FER1L6: variants seen among roughly 807,000 people sequenced by gnomAD.
FER1L6 encodes fer-1 like family member 6, also known as fer-1-like protein 6.
A neutral mutation model predicts 219.2 loss-of-function variants in FER1L6; 177 were observed. The observed-to-expected ratio is 0.81, with a 90% CI of 0.71 to 0.91. The LOEUF is 0.91. Among genes scored for constraint, FER1L6 ranks in the 40% least tolerant of loss-of-function variants. FER1L6 has a pLI of 0.00. For synonymous variants in FER1L6, 768 were observed against 824.3 expected, an observed-to-expected ratio of 0.93 and a Z score of 1.17; for missense variants, 2,153 against 2,259.9, an observed-to-expected ratio of 0.95 and a Z score of 0.96.
At chr8:124,041,215 C>T (rs1006936598) in intron 20 of FER1L6, among the ~76,000 whole-genome samples, 12 of 152,204 alleles carry the variant, frequency 7.9e-5, no homozygotes, top group African/African-American at 2.7e-4. Context: ...TCCTCTTTGG[C>T]TGCATGTCTT....
chr8:124,088,077 A>G (rs1821857540), intron 33 of FER1L6, among the ~76,000 whole-genome samples: 1 of 152,130 alleles, frequency 6.6e-6, no homozygotes, highest in African/African-American at 2.4e-5. Context: ...CTCAAAGCCC[A>G]GGGGCTCTTC....
At chr8:124,076,744 G>T (rs1821312175) in intron 32 of FER1L6, among the ~76,000 whole-genome samples, 2 of 152,188 alleles carry the variant, frequency 1.3e-5, no homozygotes, top group South Asian at 4.1e-4. Context: ...AGGCAGCCAA[G>T]GTCTAGGGAG....
intron 19 of FER1L6, among the ~76,000 whole-genome samples, chr8:124,038,303 G>T (rs916881250): frequency 2.0e-5 from 3 of 152,198 alleles, no homozygotes; most frequent in African/African-American, 7.2e-5. Context: ...CTTTGAATGT[G>T]CTTTGGTGAA....
intron 1 of FER1L6, among the ~76,000 whole-genome samples, chr8:123,890,329 C>G (rs1275416843): frequency 6.6e-6 from 1 of 151,998 alleles, no homozygotes; most frequent in East Asian, 1.9e-4. Context: ...CTGGGTAACA[C>G]TTTAGCCTCA....
intron 38 of FER1L6, 79 bp downstream of exon 38, chr8:124,101,417 T>C: frequency 7.5e-7 from 1 of 1,328,454 alleles, no homozygotes. Context: ...TCTGATTTAG[T>C]TACAAGACTA....
At chr8:123,880,342 T>C (rs530527230) in intron 1 of FER1L6, among the ~76,000 whole-genome samples, 8 of 152,354 alleles carry the variant, frequency 5.3e-5, no homozygotes, top group African/African-American at 1.7e-4. Context: ...CCACAGGAAC[T>C]GGCTTTATCG....
chr8:124,091,606 G>C, intron 34 of FER1L6, 23 bp downstream of exon 34: 1 of 1,604,680 alleles, frequency 6.2e-7, no homozygotes, highest in Non-Finnish European at 8.5e-7. Context: ...AAAATATCCT[G>C]CTGGTGTTGC....
chr8:123,899,434 T>G (rs1401382737), intron 1 of FER1L6, among the ~76,000 whole-genome samples: 1 of 152,186 alleles, frequency 6.6e-6, no homozygotes, highest in Non-Finnish European at 1.5e-5. Context: ...ATGTATAGAT[T>G]GTGAAGATTT....
chr8:123,983,651 T>C (rs540813653), intron 11 of FER1L6, among the ~76,000 whole-genome samples: 1 of 152,290 alleles, frequency 6.6e-6, no homozygotes, highest in Admixed American at 6.5e-5. Flanking sequence ...TGGTTACTGC[T>C]TGGCCTCTGG....
At chr8:124,084,149 G>A (rs369423643) in intron 33 of FER1L6, among the ~76,000 whole-genome samples, 13 of 150,350 alleles carry the variant, frequency 8.6e-5, no homozygotes, top group African/African-American at 2.9e-4. Context: ...CAGTTCTAAC[G>A]GTTTTCTTGT....
chr8:124,021,708 G>C, intron 17 of FER1L6, 39 bp downstream of exon 17: 1 of 1,609,606 alleles, frequency 6.2e-7, no homozygotes, highest in African/African-American at 1.3e-5. Flanking sequence ...TGGAAGGTTA[G>C]ATGGAATGTC....
At chr8:124,090,056 A>C (rs1821961125) in intron 33 of FER1L6, among the ~76,000 whole-genome samples, 1 of 152,184 alleles carries the variant, frequency 6.6e-6, no homozygotes, top group Non-Finnish European at 1.5e-5. Context: ...TAATTGACTT[A>C]ACATTTATGC....
chr8:124,092,293 TATAATGA>T (rs1337959060), intron 34 of FER1L6, among the ~76,000 whole-genome samples: 2 of 152,208 alleles, frequency 1.3e-5, no homozygotes, highest in African/African-American at 4.8e-5. Context: ...GTGACAATGC[TATAATGA>T]ACTTCCTTAT....
intron 3 of FER1L6, among the ~76,000 whole-genome samples, chr8:123,965,707 T>G (rs920256163): frequency 1.8e-4 from 27 of 152,214 alleles, no homozygotes; most frequent in African/African-American, 5.8e-4. Context: ...TAAAAAATAC[T>G]GATAATCATA....
intron 2 of FER1L6, among the ~76,000 whole-genome samples, chr8:123,961,128 G>T (rs1162179518): frequency 1.3e-5 from 2 of 152,082 alleles, no homozygotes; most frequent in African/African-American, 4.8e-5. Flanking sequence ...GGTTGTGGTG[G>T]AGTGTGCTTG....
intron 20 of FER1L6, among the ~76,000 whole-genome samples, chr8:124,043,698 TCC>T: frequency 6.6e-6 from 1 of 152,216 alleles, no homozygotes; most frequent in African/African-American, 2.4e-5. Flanking sequence ...ATCACCACTC[TCC>T]ATACTAACTC....
At chr8:124,077,680 G>C (rs1821350400) in intron 32 of FER1L6, among the ~76,000 whole-genome samples, 1 of 152,146 alleles carries the variant, frequency 6.6e-6, no homozygotes, top group South Asian at 2.1e-4. Context: ...AACTAGACTT[G>C]TTTTACTATC....
intron 12 of FER1L6, among the ~76,000 whole-genome samples, chr8:123,990,886 A>G (rs1487833739): frequency 6.6e-6 from 1 of 152,016 alleles, no homozygotes; most frequent in Non-Finnish European, 1.5e-5. Context: ...TCTTGAGTTG[A>G]TTTTTGTATA....
intron 33 of FER1L6, among the ~76,000 whole-genome samples, chr8:124,083,006 A>ATT (rs1365169868): frequency 2.8e-5 from 1 of 35,900 alleles, no homozygotes; most frequent in South Asian, 6.6e-4. Flanking sequence ...TGTATATATT[A>ATT]TATACACACA....
Sources: allele counts gnomAD v4.1 joint callset (sites outside exome capture counted in the v4.1 genomes callset), GRCh38; gene constraint gnomAD v4.1.1; transcripts MANE v1.5; gene names NCBI Gene and HGNC (gene_info 2026-07-23, HGNC 2026-07-21).